Variants in PHKB observed in about 807,000 individuals in gnomAD.
The protein encoded by PHKB is phosphorylase kinase regulatory subunit beta.
In PHKB, 122 loss-of-function variants were observed where a neutral mutation model predicts 152.1. The observed-to-expected ratio is 0.80, with a 90% confidence interval of 0.69 to 0.93. The LOEUF is 0.93. PHKB is among the 40% of genes least tolerant of loss of function. The pLI, the probability that PHKB is intolerant of heterozygous loss-of-function variation, is 0.00. For synonymous variants in PHKB, 436 were observed against 464.9 expected (o/e 0.94, Z 0.80); for missense variants, 1,304 against 1,328.4 (o/e 0.98, Z 0.29).
At chr16:47,590,077 A>T (rs1972002321) in intron 10 of PHKB, among the ~76,000 whole-genome samples, 1 of 152,184 alleles carries the variant, frequency 6.6e-6, no homozygotes, top group African/African-American at 2.4e-5. Flanking sequence ...AGCGTGAGCC[A>T]CTGTGCCTGG....
chr16:47,648,266 A>G (rs1973170112), intron 16 of PHKB, among the ~76,000 whole-genome samples: 2 of 152,198 alleles, frequency 1.3e-5, no homozygotes. Flanking sequence ...AGAGCCATGC[A>G]AGTTGTACAT....
intron 7 of PHKB, chr16:47,566,659 C>A: frequency 1.1e-6 from 1 of 929,624 alleles, no homozygotes. Context: ...GGTTCCCAAG[C>A]AGCCCCTGGA....
At chr16:47,629,896 T>C (rs993879397) in intron 14 of PHKB, among the ~76,000 whole-genome samples, 2 of 151,920 alleles carry the variant, frequency 1.3e-5, no homozygotes, top group African/African-American at 4.8e-5. Context: ...AAATTGGAAA[T>C]CATCATTCTC....
intron 13 of PHKB, among the ~76,000 whole-genome samples, chr16:47,597,480 A>G (rs955756151): frequency 6.6e-6 from 1 of 152,088 alleles, no homozygotes; most frequent in African/African-American, 2.4e-5. Context: ...TGCTGTTTTC[A>G]GTTTGCTCCT....
chr16:47,463,704 A>G, intron 1 of PHKB: 1 of 552,318 alleles, frequency 1.8e-6, no homozygotes, highest in Non-Finnish European at 3.2e-6. Context: ...TATCTCATCC[A>G]TATGAGCAAG....
intron 4 of PHKB, among the ~76,000 whole-genome samples, chr16:47,505,279 C>A (rs1048616382): frequency 6.6e-6 from 1 of 152,194 alleles, no homozygotes; most frequent in Admixed American, 6.5e-5. Flanking sequence ...AGACCTGGCT[C>A]TGCGGGATGA....
intron 25 of PHKB, 145 bp from the exon 26 acceptor site, chr16:47,669,070 A>G: frequency 1.5e-6 from 1 of 650,104 alleles, no homozygotes; most frequent in South Asian, 1.8e-5. Context: ...CCATTTTAAT[A>G]AATACCAGGA....
chr16:47,576,718 T>C (rs1971755899), intron 7 of PHKB, among the ~76,000 whole-genome samples: 1 of 152,250 alleles, frequency 6.6e-6, no homozygotes. Context: ...TATCCTTCTC[T>C]GTCTCTGATA....
At chr16:47,501,867 G>T (rs1231181870) in intron 3 of PHKB, among the ~76,000 whole-genome samples, 1 of 152,126 alleles carries the variant, frequency 6.6e-6, no homozygotes, top group Non-Finnish European at 1.5e-5. Context: ...CATTTTGCAG[G>T]CACACTATCT....
intron 7 of PHKB, chr16:47,565,583 A>C (rs1400898378): frequency 4.5e-5 from 48 of 1,070,724 alleles, no homozygotes; most frequent in Non-Finnish European, 6.5e-5. Context: ...TTTTCTAAAG[A>C]CTTCTCACTC....
At chr16:47,651,586 C>T (rs1973238558) in intron 20 of PHKB, among the ~76,000 whole-genome samples, 1 of 152,168 alleles carries the variant, frequency 6.6e-6, no homozygotes, top group African/African-American at 2.4e-5. Context: ...CTATTCTTCA[C>T]CATGCTTTCG....
intron 7 of PHKB, among the ~76,000 whole-genome samples, chr16:47,559,804 A>T (rs753580033): frequency 6.6e-6 from 1 of 152,186 alleles, no homozygotes; most frequent in Non-Finnish European, 1.5e-5. Context: ...CTAGCAGGGG[A>T]TATTAGACTC....
chr16:47,566,042 A>C, intron 7 of PHKB: 5 of 680,470 alleles, frequency 7.3e-6, no homozygotes, highest in Admixed American at 2.4e-5. Context: ...CTCTGTAGTC[A>C]TCATCCCTGT....
chr16:47,634,114 G>A (rs755427628), intron 14 of PHKB, among the ~76,000 whole-genome samples: 1 of 152,100 alleles, frequency 6.6e-6, no homozygotes. Flanking sequence ...TATATATTAT[G>A]TATTATTCTC....
chr16:47,462,395 A>T (rs929558269), intron 1 of PHKB: 2 of 152,228 alleles, frequency 1.3e-5, no homozygotes, highest in African/African-American at 4.8e-5. Context: ...GCACTTTGGG[A>T]GGCCGAGGCG....
At chr16:47,641,204 C>T in intron 15 of PHKB, 114 bp downstream of exon 15, 1 of 790,670 alleles carries the variant, frequency 1.3e-6, no homozygotes, top group Non-Finnish European at 2.2e-6. Context: ...TCAGAAACTC[C>T]TTTACAGGCT....
intron 14 of PHKB, 46 bp downstream of exon 14, chr16:47,610,966 T>G (rs1405937858): frequency 3.4e-6 from 4 of 1,174,986 alleles, no homozygotes; most frequent in Non-Finnish European, 3.8e-6. Flanking sequence ...CCAGAGACAT[T>G]TAAGCTTAAT....
At chr16:47,693,652 A>C in intron 28 of PHKB, 145 bp downstream of exon 28, 1 of 940,912 alleles carries the variant, frequency 1.1e-6, no homozygotes, top group Non-Finnish European at 1.6e-6. Context: ...AAAATAAGAC[A>C]TCTAATCAAT....
At chr16:47,596,983 G>T (rs1270857328) in intron 13 of PHKB, among the ~76,000 whole-genome samples, 3 of 151,984 alleles carry the variant, frequency 2.0e-5, no homozygotes, top group Admixed American at 6.6e-5. Flanking sequence ...AGGTTTAATA[G>T]GACCATTATT....
Sources: allele counts gnomAD v4.1 joint callset (sites outside exome capture counted in the v4.1 genomes callset), GRCh38; gene constraint gnomAD v4.1.1; transcripts MANE v1.5; gene names NCBI Gene and HGNC (gene_info 2026-07-23, HGNC 2026-07-21).